The following TPPP variants were observed in gnomAD, a reference collection of about 807,000 sequenced individuals.
TPPP encodes the protein tubulin polymerization-promoting protein.
Under a neutral mutation model 15.5 loss-of-function variants are expected in TPPP, and 6 were observed. The observed-to-expected ratio is 0.39, with a 90% CI of 0.21 to 0.77. The LOEUF is 0.77. TPPP is among the 30% of genes least tolerant of loss of function. TPPP has a pLI of 0.42. For synonymous variants in TPPP, 146 were observed against 133.9 expected (o/e 1.09, Z -0.63); for missense variants, 269 against 307.2 (o/e 0.88, Z 0.93).
intron 1 of TPPP, among the ~76,000 whole-genome samples, chr5:685,651 A>G (rs926892263): frequency 1.3e-5 from 2 of 152,208 alleles, no homozygotes; most frequent in African/African-American, 4.8e-5. Flanking sequence ...TTCTCGGGTC[A>G]ACAGGGTGCA....
intron 1 of TPPP, among the ~76,000 whole-genome samples, chr5:681,830 T>C (rs991580599): frequency 2.6e-5 from 4 of 151,950 alleles, no homozygotes; most frequent in African/African-American, 9.7e-5. Context: ...GACCTCAGAG[T>C]GGGGCAGGCA....
Position 677,862 on chromosome 5 carries a change from T to C in TPPP, c.199A>G (p.Thr67Ala). 6.2e-7 allele frequency: 1 copy of C among 1,612,758 alleles called. No homozygotes were observed. Among genetic ancestry groups the C allele is most frequent in the Non-Finnish European group, 8.5e-7 (1 of 1,179,856 alleles). ...TTCTTGCCGTGCATCTCCCTCCCGGTGGCCCTGGCGTCCCCGTGCACGGCA... is the reference window on the plus strand; with the variant it reads ...TTCTTGCCGTGCATCTCCCTCCCGGCGGCCCTGGCGTCCCCGTGCACGGCA... The part of the protein sequence containing the change: ...RFAVHGDARA[T>A]GREMHGKNWS... The change falls in exon 2 of 4, where the codon ACC becomes GCC. Residue 67 changes from threonine to alanine, a missense_variant. Transcript: ENST00000360578.
intron 1 of TPPP, among the ~76,000 whole-genome samples, chr5:686,752 C>G (rs1740777672): frequency 1.4e-5 from 2 of 146,862 alleles, no homozygotes; most frequent in African/African-American, 4.9e-5. Context: ...GAAGGTGCTA[C>G]AGGCTGAATT....
intron 1 of TPPP, among the ~76,000 whole-genome samples, chr5:679,191 G>A (rs962719021): frequency 2.0e-5 from 3 of 152,128 alleles, no homozygotes; most frequent in African/African-American, 4.8e-5. Context: ...TAATCGTGGG[G>A]TCCTGAGTGT....
Position 665,067 on chromosome 5 carries a change from G to C in TPPP, c.*35C>G. The C allele has an allele frequency of 6.3e-7, 1 of 1,593,234 alleles. No homozygotes were observed. Among genetic ancestry groups the C allele is most frequent in the Non-Finnish European group, 8.5e-7 (1 of 1,173,742 alleles). On this transcript the variant is annotated 3_prime_UTR_variant, in exon 4 of 4. Transcript: ENST00000360578. The stretch of plus-strand genomic sequence containing the variant: ...CGAGGTGACAGAGTCCCTGCTCTGG[G>C]GACACCGGCAGTGCCGCGAGGCATG...
At chr5:676,777 A>G (rs1740448616) in intron 2 of TPPP, among the ~76,000 whole-genome samples, 2 of 152,216 alleles carry the variant, frequency 1.3e-5, no homozygotes, top group Non-Finnish European at 2.9e-5. Flanking sequence ...AGACGTGTGC[A>G]CACATGACAC....
Position 663,582 on chromosome 5 carries a change from G to C in TPPP, c.*1520C>G, listed in dbSNP as rs1380539197. ...CTTCTGCTCTGCTCAGGTAGGGGGA[G>C]TCCTTCCACGGAGCTGTGGCCGCAG... On this transcript the variant is annotated 3_prime_UTR_variant, in exon 4 of 4. Transcript: ENST00000360578. 2.0e-5 allele frequency: 3 copies of C among 152,508 alleles called. No homozygotes were observed. Among genetic ancestry groups the C allele is most frequent in the Non-Finnish European group, 4.4e-5 (3 of 68,214 alleles). The allele number at this position is 152,508 out of a possible 1,614,324, so 9.4% of individuals were successfully genotyped here.
chr5:674,213 C>T (rs919554043), intron 2 of TPPP, among the ~76,000 whole-genome samples: 7 of 152,330 alleles, frequency 4.6e-5, no homozygotes, highest in East Asian at 1.9e-4. Flanking sequence ...ACACATTGGG[C>T]GGCACAGAGG....
chr5:679,435 C>T (rs1470682971), intron 1 of TPPP, among the ~76,000 whole-genome samples: 1 of 121,374 alleles, frequency 8.2e-6, no homozygotes, highest in African/African-American at 3.1e-5. Flanking sequence ...CGCCTGGGGG[C>T]AGGATCCTGG....
chr5:674,919 G>T (rs1397860054), intron 2 of TPPP, among the ~76,000 whole-genome samples: 1 of 151,608 alleles, frequency 6.6e-6, no homozygotes, highest in Non-Finnish European at 1.5e-5. Flanking sequence ...GCAGAGTCAG[G>T]CGCCAGTTGC....
At chr5:672,924 C>G (rs1740272847) in intron 2 of TPPP, among the ~76,000 whole-genome samples, 1 of 152,240 alleles carries the variant, frequency 6.6e-6, no homozygotes, top group Admixed American at 6.5e-5. Context: ...GCTGCCATGG[C>G]AACGAGGACT....
chr5:677,903 T>C lies in TPPP; in HGVS notation c.158A>G (p.Glu53Gly), dbSNP rs1047173226. The C allele has an allele frequency of 2.7e-5, 43 of 1,612,738 alleles. No homozygotes were observed. Among genetic ancestry groups the C allele is most frequent in the Non-Finnish European group, 3.2e-5 (38 of 1,179,852 alleles). ...GTGCACGGCAAAGCGCCGGAAGGCC[T>C]CCTCCAGGGCACTGAGCTCAGGGGA... ...AASPELSALE[E>G]AFRRFAVHGD... The change falls in exon 2 of 4, where the codon GAG becomes GGG. Residue 53 changes from glutamate to glycine, a missense_variant. By Grantham distance (98) the Glu-to-Gly change is moderately conservative. Coordinates refer to ENST00000360578, the MANE Select transcript of TPPP (RefSeq NM_007030.3).
intron 2 of TPPP, among the ~76,000 whole-genome samples, chr5:673,496 TCAGGC>T (rs1397489469): frequency 6.6e-6 from 1 of 152,050 alleles, no homozygotes; most frequent in East Asian, 1.9e-4. Context: ...TGGCCTCCCC[TCAGGC>T]CGGAGTCCCA....
chr5:679,028 C>T (rs1321899620), intron 1 of TPPP, among the ~76,000 whole-genome samples: 1 of 152,154 alleles, frequency 6.6e-6, no homozygotes, highest in East Asian at 1.9e-4. Context: ...GTCAGCACTG[C>T]ACTGAGAGCT....
the TPPP span, among the ~76,000 whole-genome samples, chr5:699,310 A>T: frequency 2.6e-5 from 4 of 152,098 alleles, no homozygotes; most frequent in African/African-American, 7.2e-5. Context: ...ATGGAACAGA[A>T]TAGAGGACTC....
At chr5:671,592 G>C (rs931705830) in intron 2 of TPPP, among the ~76,000 whole-genome samples, 1 of 152,232 alleles carries the variant, frequency 6.6e-6, no homozygotes, top group African/African-American at 2.4e-5. Flanking sequence ...GCCGCACAGT[G>C]CTCTGGGGAT....
chr5:669,511 T>C (rs921911815), intron 2 of TPPP, among the ~76,000 whole-genome samples: 1 of 152,072 alleles, frequency 6.6e-6, no homozygotes, highest in African/African-American at 2.4e-5. Context: ...TCCTGGGCCG[T>C]CAAAGGCTCT....
rs1482253720 is a variant in TPPP, at chr5:688,325, G to A, written c.-5+4953C>T. ...GGTCTCAGGGACAGCGGGCATCCCC[G>A]TGGGAGTGTGGGCGGCGCTGAGCAC... is the stretch of plus-strand genomic sequence containing the variant. On this transcript the variant is annotated intron_variant, in intron 1 of 3. Coordinates refer to ENST00000360578, the MANE Select transcript of TPPP (RefSeq NM_007030.3). Among the ~76,000 whole-genome samples, 9 of 145,448 alleles carry A rather than the reference G, an allele frequency of 6.2e-5. 1 individual carries two copies. Among genetic ancestry groups the A allele is most frequent in the Non-Finnish European group, 7.7e-5 (5 of 64,520 alleles).
At chr5:669,739 T>C (rs1221128471) in intron 2 of TPPP, among the ~76,000 whole-genome samples, 1 of 151,990 alleles carries the variant, frequency 6.6e-6, no homozygotes, top group Non-Finnish European at 1.5e-5. Flanking sequence ...CCCGAGTGTC[T>C]CGGGGAAAGG....
Sources: allele counts gnomAD v4.1 joint callset (sites outside exome capture counted in the v4.1 genomes callset), GRCh38; gene constraint gnomAD v4.1.1; transcripts MANE v1.5; gene names NCBI Gene and HGNC (gene_info 2026-07-23, HGNC 2026-07-21).